The following PHB2 variants were observed in gnomAD, a reference collection of about 807,000 sequenced individuals.
The protein encoded by PHB2 is prohibitin-2.
In PHB2, 22 loss-of-function variants were observed where a neutral mutation model predicts 46.4. The ratio of observed to expected loss-of-function variants is 0.47; its 90% confidence interval spans 0.34 to 0.68. The LOEUF (loss-of-function observed/expected upper bound fraction) is 0.68. PHB2 is among the 30% of genes least tolerant of loss of function. The probability of loss-of-function intolerance (pLI) is 0.01; values close to 1 mark genes in which losing one functional copy is unlikely to be tolerated. For missense variants in PHB2, 305 were observed against 382.8 expected (o/e 0.80, Z 1.70); for synonymous variants, 156 against 150.5 (o/e 1.04, Z -0.27).
Position 6,966,463 on chromosome 12 carries a change from T to C in PHB2, c.827A>G (p.Asp276Gly). ...TSQNRIYLTA[D>G]NLVLNLQDES... The stretch of plus-strand genomic sequence containing the variant: ...ATCCTGTAGGTTCAGCACAAGGTTG[T>C]CAGCTGTGAGATAGATACGATTCTG... The change falls in exon 8 of 10, where the codon GAC becomes GGC. Residue 276 changes from aspartate to glycine, a missense_variant. This residue lies in a region of PHB2 where 241 missense variants were observed against 302.7 expected (regional missense o/e 0.80). Transcript: ENST00000535923. 4.3e-6 allele frequency: 7 copies of C among 1,611,508 alleles called. No homozygotes were observed. The highest frequency in any genetic ancestry group is 5.9e-6 in the Non-Finnish European group (7 of 1,177,622).
In PHB2 at chr12:6,967,875, C is replaced by A. The variant is rs781803953; in HGVS notation, c.607+17G>T. The A allele has an allele frequency of 1.2e-6, 2 of 1,612,936 alleles. No homozygotes were observed. Among genetic ancestry groups the A allele is most frequent in the Non-Finnish European group, 8.5e-7 (1 of 1,179,240 alleles). On this transcript the variant is annotated intron_variant, in intron 5 of 9. Transcript: ENST00000535923. The surrounding 1 kb of genome is among the most constrained non-coding windows in gnomAD (Gnocchi z 4.9). ...CTGCATCTCAGAAGCCCTCACCCCACGGCTCTTGCGACTCACCCACTTGTT... is the reference window on the plus strand; with the variant it reads ...CTGCATCTCAGAAGCCCTCACCCCAAGGCTCTTGCGACTCACCCACTTGTT...
At chr12:6,966,619 G>A in intron 7 of PHB2, 119 bp from the exon 8 acceptor site, 1 of 728,696 alleles carries the variant, frequency 1.4e-6, no homozygotes, top group South Asian at 1.5e-5. Context: ...GTGCAGCAAT[G>A]AGTAACACAT....
chr12:6,968,392 A>C lies in PHB2; in HGVS notation c.477+19T>G, dbSNP rs781786208. On this transcript the variant is annotated intron_variant, in intron 4 of 9. Coordinates refer to ENST00000535923, the MANE Select transcript of PHB2 (RefSeq NM_001144831.2). ...GGAAGGAAAGGCTGACACCACGCAG[A>C]TGGTGGTGGGAGTCAGACCTGGGCC... is the stretch of plus-strand genomic sequence containing the variant. The C allele has an allele frequency of 4.4e-5, 69 of 1,562,692 alleles. No homozygotes were observed. The highest frequency in any genetic ancestry group is 5.9e-5 in the Non-Finnish European group (67 of 1,138,424).
Position 6,967,045 on chromosome 12 carries a change from G to A in PHB2, c.789+126C>T, listed in dbSNP as rs1946223771. ...ATTACATGCGTGAGCCACCGCGCCG[G>A]CCAGAGAAGCCAATCTGAGTAGAAA... On this transcript the variant is annotated intron_variant, in intron 7 of 9. Coordinates refer to ENST00000535923, the MANE Select transcript of PHB2 (RefSeq NM_001144831.2). This position sits in a 1 kb window ranked among gnomAD's most constrained non-coding sequence, Gnocchi z 4.9. 5 of 825,586 alleles carry A rather than the reference G, an allele frequency of 6.1e-6. No individual in the cohort carries two copies. The South Asian group carries it at 7.6e-5, about 13-fold the overall frequency. The allele number at this position is 825,586 out of a possible 1,614,324, so 51.1% of individuals were successfully genotyped here. A position where few individuals can be genotyped will look rare whatever the true frequency, so the allele number is the denominator to read the frequency against.
In PHB2 at chr12:6,967,057, A is replaced by T; in HGVS notation, c.789+114T>A. 1.1e-6 allele frequency: 1 copy of T among 941,960 alleles called. No individual in the cohort carries two copies. Among genetic ancestry groups the T allele is most frequent in the Non-Finnish European group, 1.7e-6 (1 of 602,948 alleles). The allele number at this position is 941,960 out of a possible 1,614,324, so 58.4% of individuals were successfully genotyped here. On this transcript the variant is annotated intron_variant, in intron 7 of 9. Coordinates refer to ENST00000535923, the MANE Select transcript of PHB2 (RefSeq NM_001144831.2). The surrounding 1 kb of genome is among the most constrained non-coding windows in gnomAD (Gnocchi z 4.9). Reference sequence around the variant, plus strand: ...AGCCACCGCGCCGGCCAGAGAAGCCAATCTGAGTAGAAACCGGAACAAGCA... The same window carrying T: ...AGCCACCGCGCCGGCCAGAGAAGCCTATCTGAGTAGAAACCGGAACAAGCA...
chr12:6,968,029 CAGGGGTGAAGAGGGGAAGGG>C lies in PHB2; in HGVS notation c.478-28_478-9del, dbSNP rs781786510. 9 of 1,592,734 alleles carry C rather than the reference CAGGGGTGAAGAGGGGAAGGG, an allele frequency of 5.7e-6. No homozygotes were observed. The highest frequency in any genetic ancestry group is 6.0e-6 in the Non-Finnish European group (7 of 1,165,286). On this transcript the variant is annotated splice_polypyrimidine_tract_variant and intron_variant, in intron 4 of 9. Coordinates refer to ENST00000535923, the MANE Select transcript of PHB2 (RefSeq NM_001144831.2). ...GCGGATCAACAGGGATACCTGAGGG[CAGGGGTGAAGAGGGGAAGGG>C]AGGGGTGGTTTGAGGGGACTGGGGA...
chr12:6,968,695 A>G (rs1946258971), intron 3 of PHB2, 100 bp from the exon 4 acceptor site: 2 of 910,564 alleles, frequency 2.2e-6, no homozygotes, highest in South Asian at 2.8e-5. Flanking sequence ...AATGGTGTAC[A>G]GCCTGGCACT....
rs986163703 is a variant in PHB2 at position 6,967,074 on chromosome 12, G to C, written c.789+97C>G. Reference sequence around the variant, plus strand: ...GAGAAGCCAATCTGAGTAGAAACCGGAACAAGCAAGGTTCGAATTCCCTCA... The same window carrying C: ...GAGAAGCCAATCTGAGTAGAAACCGCAACAAGCAAGGTTCGAATTCCCTCA... On this transcript the variant is annotated intron_variant, in intron 7 of 9. Coordinates refer to ENST00000535923, the MANE Select transcript of PHB2 (RefSeq NM_001144831.2). This position sits in a 1 kb window ranked among gnomAD's most constrained non-coding sequence, Gnocchi z 4.9. 3.2e-5 allele frequency: 35 copies of C among 1,079,150 alleles called. No individual in the cohort carries two copies. The African/African-American group carries it at 4.7e-4, about 14-fold the overall frequency. The allele number at this position is 1,079,150 out of a possible 1,614,324, so 66.8% of individuals were successfully genotyped here. A position where few individuals can be genotyped will look rare whatever the true frequency, so the allele number is the denominator to read the frequency against.
chr12:6,969,043 T>C (rs1476404482), intron 3 of PHB2, among the ~76,000 whole-genome samples: 1 of 152,022 alleles, frequency 6.6e-6, no homozygotes, highest in East Asian at 1.9e-4. Context: ...CCAGGGTGTA[T>C]ATGTGTGCGT....
chr12:6,966,389 T>C (rs781875726), intron 8 of PHB2, 35 bp downstream of exon 8: 1 of 1,319,730 alleles, frequency 7.6e-7, no homozygotes, highest in Non-Finnish European at 1.1e-6. Flanking sequence ...TCCCACGTTC[T>C]TGGTGATACC....
rs1337464822 is a variant in PHB2 at position 6,970,358 on chromosome 12, G to A, written c.127+59C>T. Reference sequence around the variant, plus strand: ...AGGCCCGTGGAGGGGCGCGGGGACAGGGCAAGGGGTTTGGGGGAGGGACTG... The same window carrying A: ...AGGCCCGTGGAGGGGCGCGGGGACAAGGCAAGGGGTTTGGGGGAGGGACTG... On this transcript the variant is annotated intron_variant, in intron 1 of 9. Transcript: ENST00000535923. 11 of 1,604,784 alleles carry A rather than the reference G, an allele frequency of 6.9e-6. No individual in the cohort carries two copies. The South Asian group carries it at 7.7e-5, about 11-fold the overall frequency.
chr12:6,969,421 C>G (rs1946277600), intron 3 of PHB2, 77 bp downstream of exon 3: 1 of 751,156 alleles, frequency 1.3e-6, no homozygotes, highest in African/African-American at 1.8e-5. Flanking sequence ...CCTGACACTA[C>G]CATATTCCCC....
Position 6,967,277 on chromosome 12 carries a change from C to T in PHB2, c.712-29G>A. On this transcript the variant is annotated intron_variant, in intron 6 of 9. Transcript: ENST00000535923. The surrounding 1 kb of genome is among the most constrained non-coding windows in gnomAD (Gnocchi z 4.9). ...AGGAGGGTTAAGGTACACGCAAGGG[C>T]AGGTCTCAATCCCTGGCCCTGTCCT... 6.2e-7 allele frequency: 1 copy of T among 1,613,254 alleles called. No homozygotes were observed. Among genetic ancestry groups the T allele is most frequent in the African/African-American group, 1.3e-5 (1 of 75,032 alleles).
chr12:6,965,962 T>C (rs782031431), intron 8 of PHB2, 46 bp from the exon 9 acceptor site: 5 of 1,592,972 alleles, frequency 3.1e-6, no homozygotes, highest in East Asian at 4.5e-5. Flanking sequence ...AGAAGAGAAA[T>C]GCACATGTTA....
intron 2 of PHB2, 45 bp from the exon 3 acceptor site, chr12:6,969,622 G>A (rs781808659): frequency 1.5e-5 from 18 of 1,171,854 alleles, no homozygotes; most frequent in South Asian, 2.6e-5. Flanking sequence ...AGTTTCGGCC[G>A]GGCGCGGTGG....
rs1486672959 is a variant in PHB2 at position 6,970,633 on chromosome 12, A to C, written c.-90T>G. ...CCGGCTTAGGTACTGCACCCTTCACACGAGGGTTCGGGCCCGTAAGGCTGG... is the reference window on the plus strand; with the variant it reads ...CCGGCTTAGGTACTGCACCCTTCACCCGAGGGTTCGGGCCCGTAAGGCTGG... On this transcript the variant is annotated 5_prime_UTR_variant, in exon 1 of 10. Transcript: ENST00000535923. 1.4e-6 allele frequency: 2 copies of C among 1,421,760 alleles called. No individual in the cohort carries two copies. The highest frequency in any genetic ancestry group is 4.4e-5 in the Admixed American group (2 of 45,056). 88.1% of individuals were successfully genotyped at this position (1,421,760 alleles called of 1,614,324 possible).
chr12:6,966,317 AAT>A, intron 8 of PHB2, 105 bp downstream of exon 8: 1 of 748,252 alleles, frequency 1.3e-6, no homozygotes. Context: ...ATTTTGGTTC[AAT>A]GTCTCTGAGC....
intron 1 of PHB2, 38 bp downstream of exon 1, chr12:6,970,379 G>C: frequency 6.2e-7 from 1 of 1,604,228 alleles, no homozygotes. Context: ...TTGGGGGAGG[G>C]ACTGGAAGCG....
At chr12:6,970,685 T>C (rs2138312555), upstream of PHB2, 4 of 1,084,596 alleles carry the variant, frequency 3.7e-6, no homozygotes, top group East Asian at 1.0e-4. Context: ...GGAAGTGCGC[T>C]CCCTTTGAAA....
Sources: gnomAD v4.1 joint callset for allele counts (sites outside exome capture counted in the v4.1 genomes callset) on GRCh38, gnomAD v4.1.1 for gene constraint, gnomAD v4.1.1 regional missense constraint, Gnocchi (gnomAD v3.1) non-coding constraint, MANE v1.5 for transcripts, NCBI Gene and HGNC (gene_info 2026-07-23, HGNC 2026-07-21) for gene names.